Variants in SGCB observed in about 807,000 individuals in gnomAD.
SGCB encodes beta-sarcoglycan.
In SGCB, 25 loss-of-function variants were observed where a neutral mutation model predicts 27.3. That is an observed-to-expected ratio of 0.92 (90% CI 0.67 to 1.28). SGCB has a LOEUF of 1.28. Among genes scored for constraint, SGCB ranks in the 50% most tolerant of loss-of-function variants. The pLI, the probability that SGCB is intolerant of heterozygous loss-of-function variation, is 0.00. For synonymous variants in SGCB, 147 were observed against 133.5 expected (o/e 1.10, Z -0.70); for missense variants, 436 against 402.1 (o/e 1.08, Z -0.72).
chr4:52,024,234 C>T, intron 5 of SGCB, 74 bp from the exon 6 acceptor site: 1 of 1,126,634 alleles, frequency 8.9e-7, no homozygotes, highest in Non-Finnish European at 1.3e-6. Flanking sequence ...AACAAAACTT[C>T]CTGAAATATC....
intron 1 of SGCB, among the ~76,000 whole-genome samples, 171 bp downstream of exon 1, chr4:52,038,056 C>T (rs1333270169): frequency 6.6e-6 from 1 of 151,452 alleles, no homozygotes; most frequent in African/African-American, 2.4e-5. Context: ...GTGCCAGCAT[C>T]CTCGGCGGGG....
At chr4:52,029,620 AT>A in intron 3 of SGCB, 57 bp downstream of exon 3, 1 of 1,169,252 alleles carries the variant, frequency 8.6e-7, no homozygotes, top group Non-Finnish European at 1.3e-6. Flanking sequence ...TTTGCAAAGT[AT>A]TTTTCTCTAA....
chr4:52,027,136 A>G (rs141103231), intron 5 of SGCB, among the ~76,000 whole-genome samples: 483 of 152,330 alleles, frequency 3.2e-3, no homozygotes, highest in Non-Finnish European at 5.2e-3. Flanking sequence ...AGAAAGAATG[A>G]TAAGTCCCTA....
chr4:52,038,089 C>CCCCCCCAAA, intron 1 of SGCB, 138 bp downstream of exon 1: 1 of 238,768 alleles, frequency 4.2e-6, no homozygotes, highest in Non-Finnish European at 6.9e-6. Flanking sequence ...CGCCCCGCCC[C>CCCCCCCAAA]GCCCCGATCG....
At chr4:52,033,819 G>GA (rs1328463306) in intron 1 of SGCB, among the ~76,000 whole-genome samples, 179 bp from the exon 2 acceptor site, 1 of 152,146 alleles carries the variant, frequency 6.6e-6, no homozygotes, top group Non-Finnish European at 1.5e-5. Context: ...TGCTTAGAAG[G>GA]AAAGTACAGA....
chr4:52,035,025 G>A (rs1005120220), intron 1 of SGCB, among the ~76,000 whole-genome samples: 2 of 152,146 alleles, frequency 1.3e-5, no homozygotes, highest in African/African-American at 4.8e-5. Context: ...TTTTAAGAGT[G>A]TAAAGAGAAC....
Position 52,033,512 on chromosome 4 carries a change from T to A in SGCB, c.162A>T (p.Lys54Asn). 1 of 1,613,830 alleles carries A rather than the reference T, an allele frequency of 6.2e-7. No homozygotes were observed. The highest frequency in any genetic ancestry group is 8.5e-7 in the Non-Finnish European group (1 of 1,179,744). ...YIPIDEDRLH[K>N]TGLRGRKGNL... ...TGCCCTTTCTTCCTCTCAACCCTGT[T>A]TTGTGGAGACGATCTTCATCAATCG... is the stretch of plus-strand genomic sequence containing the variant. Residue 54 changes from lysine (K) to asparagine (N), a missense_variant, in exon 2 of 6, where the codon AAA (lysine) becomes AAT (asparagine). Transcript: ENST00000381431.
intron 1 of SGCB, among the ~76,000 whole-genome samples, chr4:52,035,193 G>C (rs990225843): frequency 6.6e-6 from 1 of 152,174 alleles, no homozygotes; most frequent in African/African-American, 2.4e-5. Context: ...TGTTGAATAC[G>C]CATGTATTAA....
At chr4:52,033,661 A>C in intron 1 of SGCB, 21 bp from the exon 2 acceptor site, 1 of 1,567,726 alleles carries the variant, frequency 6.4e-7, no homozygotes, top group Non-Finnish European at 8.8e-7. Context: ...AATACAACAT[A>C]ATGGAACAGC....
chr4:52,026,768 A>C (rs1737107682), intron 5 of SGCB, among the ~76,000 whole-genome samples: 1 of 152,202 alleles, frequency 6.6e-6, no homozygotes, highest in Admixed American at 6.5e-5. Flanking sequence ...TGTCATATTA[A>C]CTACAAGGTA....
At chr4:52,032,954 G>C (rs892739436) in intron 2 of SGCB, among the ~76,000 whole-genome samples, 1 of 152,100 alleles carries the variant, frequency 6.6e-6, no homozygotes, top group East Asian at 1.9e-4. Context: ...CTTTGACAAC[G>C]GGGACTTAGG....
intron 1 of SGCB, among the ~76,000 whole-genome samples, chr4:52,037,459 A>C (rs939966931): frequency 3.3e-5 from 5 of 152,224 alleles, no homozygotes; most frequent in Non-Finnish European, 1.5e-5. Flanking sequence ...ATAATTGTTC[A>C]AAGGAAAAGT....
rs367546098 is a variant in SGCB, at chr4:52,029,635, C to G, written c.429+43G>C. On this transcript the variant is annotated intron_variant, in intron 3 of 5. Coordinates refer to ENST00000381431, the MANE Select transcript of SGCB (RefSeq NM_000232.5). ...TTTGCAAAGTATTTTTCTCTAATGC[C>G]CCTCTCCTGTTTGCATTTCTTTCAG... 3.1e-4 allele frequency: 409 copies of G among 1,305,116 alleles called. 3 individuals are homozygous for G. The South Asian group carries it at 3.9e-3, about 12-fold the overall frequency. 80.8% of individuals were successfully genotyped at this position (1,305,116 alleles called of 1,614,324 possible).
Position 52,024,089 on chromosome 4 carries a change from G to C in SGCB, c.825C>G (p.Asp275Glu). Residue 275 changes from aspartate to glutamate, a missense_variant, in exon 6 of 6, where the codon GAC becomes GAG. Asp to Glu is a conservative substitution (Grantham distance 45). Transcript: ENST00000381431. ...GTACCCAGTCACCACTACCCAACTGGTCTCCACTGGAGGAACTGGGTAGGC... is the reference window on the plus strand; with the variant it reads ...GTACCCAGTCACCACTACCCAACTGCTCTCCACTGGAGGAACTGGGTAGGC... ...TTRLPSSSSG[D>E]QLGSGDWVRY... The C allele has an allele frequency of 6.2e-7, 1 of 1,613,942 alleles. No individual in the cohort carries two copies. The highest frequency in any genetic ancestry group is 1.7e-5 in the Admixed American group (1 of 59,998).
intron 1 of SGCB, among the ~76,000 whole-genome samples, chr4:52,034,331 CAAAAAAAAAAAAAA>C (rs541129158): frequency 4.5e-4 from 12 of 26,506 alleles, no homozygotes; most frequent in East Asian, 1.6e-3. Flanking sequence ...GACTCCGTCT[CAAAAAAAAAAAAAA>C]AAAAAAAAAA....
chr4:52,029,270 T>C (rs971868093), intron 3 of SGCB, among the ~76,000 whole-genome samples: 7 of 152,204 alleles, frequency 4.6e-5, no homozygotes, highest in African/African-American at 1.7e-4. Context: ...GGGATGCCAC[T>C]GACTAGATTG....
intron 5 of SGCB, among the ~76,000 whole-genome samples, chr4:52,027,063 T>C (rs1737117132): frequency 6.6e-6 from 1 of 152,186 alleles, no homozygotes; most frequent in Admixed American, 6.5e-5. Context: ...CTTATAAAAG[T>C]AAAACAACTA....
At chr4:52,035,467 G>A (rs1737361219) in intron 1 of SGCB, among the ~76,000 whole-genome samples, 1 of 152,192 alleles carries the variant, frequency 6.6e-6, no homozygotes, top group African/African-American at 2.4e-5. Flanking sequence ...GATATGGCAA[G>A]GCAGGGAAGA....
intron 2 of SGCB, among the ~76,000 whole-genome samples, chr4:52,032,546 T>C (rs1287753926): frequency 6.6e-6 from 1 of 152,228 alleles, no homozygotes; most frequent in Non-Finnish European, 1.5e-5. Context: ...TAAAATAAAA[T>C]GCATTCAGAT....
Sources: allele counts gnomAD v4.1 joint callset (sites outside exome capture counted in the v4.1 genomes callset), GRCh38; gene constraint gnomAD v4.1.1; transcripts MANE v1.5; gene names NCBI Gene and HGNC (gene_info 2026-07-23, HGNC 2026-07-21).